PRKG1: variants seen among roughly 807,000 people sequenced by gnomAD.
PRKG1 encodes the protein protein kinase cGMP-dependent 1.
In PRKG1, 35 loss-of-function variants were observed where a neutral mutation model predicts 88.1. The ratio of observed to expected loss-of-function variants is 0.40; its 90% CI spans 0.30 to 0.53. PRKG1 has a LOEUF of 0.53. Among genes scored for constraint, PRKG1 ranks in the 20% least tolerant of loss-of-function variants. The pLI is 0.59. For synonymous variants in PRKG1, 303 were observed against 292.5 expected, an observed-to-expected ratio of 1.04 and a Z score of -0.37; for missense variants, 540 against 839.8, an observed-to-expected ratio of 0.64 and a Z score of 4.41.
intron 2 of PRKG1, among the ~76,000 whole-genome samples, chr10:51,348,726 A>G (rs1427762870): frequency 6.6e-6 from 1 of 152,170 alleles, no homozygotes; most frequent in Non-Finnish European, 1.5e-5. Context: ...ACATGTATCT[A>G]CTGCACTTAC....
intron 3 of PRKG1, among the ~76,000 whole-genome samples, chr10:51,589,020 A>G (rs1589110794): frequency 2.0e-5 from 3 of 152,322 alleles, no homozygotes; most frequent in Admixed American, 6.5e-5. Flanking sequence ...TGTGAGCTTA[A>G]TATGAATAAA....
At position 52,298,265 on chromosome 10, in the gene PRKG1, T is replaced by C. The variant is rs1842423041; in HGVS notation, c.*4365T>C. The C allele has an allele frequency of 6.6e-6, 1 of 151,894 alleles. No individual in the cohort carries two copies. The highest frequency in any genetic ancestry group is 6.6e-5 in the Admixed American group (1 of 15,200). The allele number at this position is 151,894 out of a possible 1,614,324, so 9.4% of individuals were successfully genotyped here. ...TTTCATAAATTTACCTGCTTTGATTTGCTCTGTATTTTTCCTGCAGCTGTA... is the reference window on the plus strand; with the variant it reads ...TTTCATAAATTTACCTGCTTTGATTCGCTCTGTATTTTTCCTGCAGCTGTA... On this transcript the variant is annotated 3_prime_UTR_variant, in exon 18 of 18. Coordinates refer to ENST00000373980, the MANE Select transcript of PRKG1 (RefSeq NM_006258.4).
chr10:51,392,932 GACGGGGCGGCTGGCCGGGCTGA>G (rs1837463053), intron 2 of PRKG1, among the ~76,000 whole-genome samples: 3 of 75,328 alleles, frequency 4.0e-5, no homozygotes, highest in Non-Finnish European at 7.6e-5. Context: ...CTCCCTCCCG[GACGGGGCGGCTGGCCGGGCTGA>G]GGGCTGACCC....
At chr10:51,046,848 T>C (rs944680808) in intron 1 of PRKG1, among the ~76,000 whole-genome samples, 1 of 152,220 alleles carries the variant, frequency 6.6e-6, no homozygotes, top group Non-Finnish European at 1.5e-5. Context: ...GGGTGATTCA[T>C]GCCTCTAGTT....
intron 2 of PRKG1, among the ~76,000 whole-genome samples, chr10:51,344,852 G>T (rs1255610066): frequency 2.0e-5 from 3 of 152,082 alleles, no homozygotes; most frequent in Admixed American, 1.3e-4. Context: ...TGCTCCCTTT[G>T]CCCCCGATGA....
intron 3 of PRKG1, among the ~76,000 whole-genome samples, chr10:51,676,461 CA>C (rs375581966): frequency 0.041 from 3,812 of 92,688 alleles, 48 homozygotes; most frequent in South Asian, 0.06. Context: ...CACCAATGCA[CA>C]AAAAAAAAAA....
chr10:51,743,757 T>C (rs895220980), intron 3 of PRKG1, among the ~76,000 whole-genome samples: 2 of 130,628 alleles, frequency 1.5e-5, no homozygotes, highest in Non-Finnish European at 3.2e-5. Context: ...TATATATATA[T>C]ATATATATTT....
At chr10:52,253,904 G>A (rs1841245330) in intron 10 of PRKG1, among the ~76,000 whole-genome samples, 1 of 122,898 alleles carries the variant, frequency 8.1e-6, no homozygotes, top group South Asian at 3.1e-4. Flanking sequence ...AGCTTTTGTT[G>A]TCTTGTACAT....
chr10:51,761,369 T>C lies in PRKG1; in HGVS notation c.593-43216T>C, dbSNP rs1490167134. ...GTGGAAATTATTGTTATGCCTATTA[T>C]TGTTAATGAATGAAAGTGTCCAGCT... is the stretch of plus-strand genomic sequence containing the variant. On this transcript the variant is annotated intron_variant, in intron 3 of 17. Coordinates refer to ENST00000373980, the MANE Select transcript of PRKG1 (RefSeq NM_006258.4). 3.9e-5 allele frequency among the ~76,000 whole-genome samples: 6 copies of C among 152,376 alleles called. 1 individual carries two copies. In the South Asian group the frequency reaches 1.0e-3, roughly 26 times the overall value.
chr10:52,009,174 C>T (rs1844816956), intron 5 of PRKG1, among the ~76,000 whole-genome samples: 1 of 152,030 alleles, frequency 6.6e-6, no homozygotes, highest in South Asian at 2.1e-4. Context: ...CTGGCCAGAG[C>T]AATCAGGCAA....
intron 3 of PRKG1, among the ~76,000 whole-genome samples, chr10:51,774,082 G>A (rs1315378108): frequency 6.6e-6 from 1 of 152,228 alleles, no homozygotes; most frequent in Non-Finnish European, 1.5e-5. Flanking sequence ...CCTTGTTGGA[G>A]AGGTGGAGTC....
At chr10:51,514,428 AAAG>A (rs1841515935) in intron 3 of PRKG1, among the ~76,000 whole-genome samples, 1 of 152,216 alleles carries the variant, frequency 6.6e-6, no homozygotes, top group Admixed American at 6.5e-5. Flanking sequence ...TTGATCACAA[AAAG>A]AATAAAAGTA....
chr10:51,101,592 T>C (rs1415654818), intron 1 of PRKG1, among the ~76,000 whole-genome samples: 1 of 152,118 alleles, frequency 6.6e-6, no homozygotes, highest in Admixed American at 6.6e-5. Context: ...CAATGGAAGA[T>C]TAAACAGATG....
intron 3 of PRKG1, among the ~76,000 whole-genome samples, chr10:51,734,451 C>A (rs1315074199): frequency 6.6e-6 from 1 of 151,780 alleles, no homozygotes; most frequent in Non-Finnish European, 1.5e-5. Flanking sequence ...CTATATAATA[C>A]CTGGCCCAAG....
At chr10:52,136,791 G>A (rs1589638864) in intron 8 of PRKG1, among the ~76,000 whole-genome samples, 1 of 152,084 alleles carries the variant, frequency 6.6e-6, no homozygotes, top group Non-Finnish European at 1.5e-5. Context: ...GATTCCCTTG[G>A]ATTTAGCTGT....
chr10:51,085,260 C>T (rs1844219684), intron 1 of PRKG1, among the ~76,000 whole-genome samples: 3 of 152,068 alleles, frequency 2.0e-5, no homozygotes, highest in Admixed American at 1.3e-4. Context: ...CTAAGTAACA[C>T]GTTTTGTATT....
intron 5 of PRKG1, among the ~76,000 whole-genome samples, chr10:52,007,540 A>G (rs1440372686): frequency 2.0e-5 from 3 of 151,630 alleles, no homozygotes; most frequent in African/African-American, 7.3e-5. Context: ...ACAGCATTAT[A>G]TAATGGTAAA....
chr10:51,053,284 C>T (rs1012512447), intron 1 of PRKG1, among the ~76,000 whole-genome samples: 1 of 151,790 alleles, frequency 6.6e-6, no homozygotes, highest in Non-Finnish European at 1.5e-5. Context: ...ACCGCCACCT[C>T]ATAATTCTAA....
At chr10:51,549,912 C>T (rs61849848) in intron 3 of PRKG1, among the ~76,000 whole-genome samples, 8,365 of 152,090 alleles carry the variant, frequency 0.055, 351 homozygotes, top group Middle Eastern at 0.085. Flanking sequence ...GGGAAGTGTC[C>T]TTGCAAGGGA....
Sources: allele counts gnomAD v4.1 joint callset (sites outside exome capture counted in the v4.1 genomes callset), GRCh38; gene constraint gnomAD v4.1.1; transcripts MANE v1.5; gene names NCBI Gene and HGNC (gene_info 2026-07-23, HGNC 2026-07-21).